The following THRB variants were observed in gnomAD, a reference collection of about 807,000 sequenced individuals.
THRB encodes thyroid hormone receptor beta, also known as nuclear receptor subfamily 1 group A member 2.
A neutral mutation model predicts 47.8 loss-of-function variants in THRB; 12 were observed. The observed-to-expected ratio is 0.25, with a 90% CI of 0.16 to 0.41. THRB has a LOEUF of 0.41. Ranked by LOEUF, THRB falls within the 10% of genes least tolerant of loss-of-function variation. THRB has a pLI of 1.00. For synonymous variants in THRB, 218 were observed against 212.2 expected, an observed-to-expected ratio of 1.03 and a Z score of -0.24; for missense variants, 348 against 589.2, an observed-to-expected ratio of 0.59 and a Z score of 4.24.
intron 1 of THRB, among the ~76,000 whole-genome samples, chr3:24,427,547 T>C (rs898441582): frequency 1.3e-5 from 2 of 151,992 alleles, no homozygotes; most frequent in African/African-American, 2.4e-5. Flanking sequence ...ATAGAATCCA[T>C]ACAAATAAGC....
chr3:24,317,645 A>G (rs1173848003), intron 2 of THRB, among the ~76,000 whole-genome samples: 2 of 152,230 alleles, frequency 1.3e-5, no homozygotes, highest in Non-Finnish European at 2.9e-5. Flanking sequence ...AAAACAAAAC[A>G]AAAACCTAGT....
chr3:24,338,366 A>T (rs1038076539), intron 1 of THRB, among the ~76,000 whole-genome samples: 1 of 152,206 alleles, frequency 6.6e-6, no homozygotes, highest in Non-Finnish European at 1.5e-5. Flanking sequence ...ATAAATGCAT[A>T]TCGAAGGCAA....
chr3:24,269,384 C>G, intron 3 of THRB, among the ~76,000 whole-genome samples: 1 of 55,290 alleles, frequency 1.8e-5, no homozygotes, highest in African/African-American at 7.3e-5. Flanking sequence ...CATCATAGCT[C>G]ACACGCGCGC....
At chr3:24,450,664 T>A (rs1203455259) in intron 1 of THRB, among the ~76,000 whole-genome samples, 1 of 152,184 alleles carries the variant, frequency 6.6e-6, no homozygotes, top group Non-Finnish European at 1.5e-5. Flanking sequence ...AAACCAGGTG[T>A]AGGTAAACCA....
chr3:24,220,797 C>CAA lies in THRB; in HGVS notation c.22+8139_22+8140dup, dbSNP rs1368551143. ...ACAAAGAACTTCAGTCAAGGTTAAA[C>CAA]AAAAGAAAAAAAAAAAAAGAAAGAA... On this transcript the variant is annotated intron_variant, in intron 4 of 10. Coordinates refer to ENST00000646209, the MANE Select transcript of THRB (RefSeq NM_001354712.2). Among the ~76,000 whole-genome samples, 907 of 96,618 alleles carry CAA rather than the reference C, an allele frequency of 9.4e-3. 6 individuals are homozygous for CAA. The highest frequency in any genetic ancestry group is 0.035 in the African/African-American group (829 of 23,664). 63.4% of individuals were successfully genotyped at this position (96,618 alleles called of 152,430 possible). A position where few individuals can be genotyped will look rare whatever the true frequency, so the allele number is the denominator to read the frequency against.
chr3:24,305,633 G>T (rs571402081), intron 2 of THRB, among the ~76,000 whole-genome samples: 1 of 152,210 alleles, frequency 6.6e-6, no homozygotes, highest in East Asian at 1.9e-4. Context: ...GGTTATAATG[G>T]GTTGGAAGCA....
At position 24,143,510 on chromosome 3, in the gene THRB, C is replaced by T; in HGVS notation, c.729G>A (p.Arg243=). The T allele has an allele frequency of 6.2e-7, 1 of 1,614,200 alleles. No individual in the cohort carries two copies. Among genetic ancestry groups the T allele is most frequent in the Non-Finnish European group, 8.5e-7 (1 of 1,180,020 alleles). Residue 243 remains arginine (R), a synonymous_variant, in exon 8 of 11, where the codon CGG becomes CGA. Coordinates refer to ENST00000646209, the MANE Select transcript of THRB (RefSeq NM_001354712.2). The part of the protein sequence containing the change: ...NAQGSHWKQK[R]KFLPEDIGQA... ...TGCAAGGAAGCCTTACCAGGAATTT[C>T]CGTTTTTGCTTCCAGTGGCTGCCTT...
intron 8 of THRB, 143 bp downstream of exon 8, chr3:24,143,358 G>A (rs2035682861): frequency 1.2e-6 from 1 of 822,082 alleles, no homozygotes; most frequent in Non-Finnish European, 2.1e-6. Context: ...AGCTTTGCAA[G>A]TTACTCAGCC....
rs150161230 is a variant in THRB at position 24,465,700 on chromosome 3, G to A, written c.-261+28952C>T. On this transcript the variant is annotated intron_variant, in intron 1 of 10. Coordinates refer to ENST00000646209, the MANE Select transcript of THRB (RefSeq NM_001354712.2). ...ATTACATACTTGAGTCAGCGCACCC[G>A]GCCTAGAATTTTCCTTTAATCTGAA... 3.5e-3 allele frequency among the ~76,000 whole-genome samples: 531 copies of A among 152,112 alleles called. 2 individuals are homozygous for A. The highest frequency in any genetic ancestry group is 0.012 in the African/African-American group (498 of 41,498).
intron 3 of THRB, among the ~76,000 whole-genome samples, chr3:24,248,074 G>A (rs1332679752): frequency 6.6e-6 from 1 of 152,058 alleles, no homozygotes; most frequent in Non-Finnish European, 1.5e-5. Flanking sequence ...ACATTTCTGA[G>A]TTCAGTAAAG....
chr3:24,411,981 A>G (rs1682641089), intron 1 of THRB, among the ~76,000 whole-genome samples: 2 of 151,808 alleles, frequency 1.3e-5, no homozygotes, highest in African/African-American at 4.8e-5. Context: ...AGTTTTCAGG[A>G]CGTTTCTAAA....
chr3:24,258,973 G>A (rs1162688526), intron 3 of THRB, among the ~76,000 whole-genome samples: 1 of 152,078 alleles, frequency 6.6e-6, no homozygotes, highest in Non-Finnish European at 1.5e-5. Flanking sequence ...TTTTAGATGT[G>A]GAAATGGAAA....
chr3:24,457,168 A>G (rs2073248386), intron 1 of THRB, among the ~76,000 whole-genome samples: 1 of 152,198 alleles, frequency 6.6e-6, no homozygotes, highest in Non-Finnish European at 1.5e-5. Context: ...TTCTTAAAAC[A>G]AGACAATATA....
At chr3:24,452,661 G>A (rs1027202237) in intron 1 of THRB, among the ~76,000 whole-genome samples, 7 of 151,920 alleles carry the variant, frequency 4.6e-5, no homozygotes, top group African/African-American at 1.5e-4. Context: ...AAGCAGAAAC[G>A]TGGGGGCTGT....
chr3:24,481,510 T>C (rs1335442852), intron 1 of THRB, among the ~76,000 whole-genome samples: 1 of 152,124 alleles, frequency 6.6e-6, no homozygotes, highest in African/African-American at 2.4e-5. Flanking sequence ...TAACACACAG[T>C]CCTTGCCCTC....
At chr3:24,329,248 C>G (rs1383152612) in intron 2 of THRB, among the ~76,000 whole-genome samples, 1 of 152,152 alleles carries the variant, frequency 6.6e-6, no homozygotes, top group African/African-American at 2.4e-5. Context: ...CCTGGTCCAG[C>G]CTGAATTCTT....
chr3:24,244,704 C>T (rs1195026017), intron 3 of THRB, among the ~76,000 whole-genome samples: 3 of 152,218 alleles, frequency 2.0e-5, no homozygotes, highest in African/African-American at 7.2e-5. Context: ...AATTGCTCCA[C>T]ACAAACAGAG....
intron 1 of THRB, among the ~76,000 whole-genome samples, chr3:24,462,030 C>T (rs575679101): frequency 6.6e-6 from 1 of 152,186 alleles, no homozygotes; most frequent in East Asian, 1.9e-4. Flanking sequence ...CAATGATGAG[C>T]ACAGAAAACT....
chr3:24,191,682 C>T (rs1471854939), intron 4 of THRB, among the ~76,000 whole-genome samples: 2 of 152,260 alleles, frequency 1.3e-5, no homozygotes, highest in Non-Finnish European at 2.9e-5. Flanking sequence ...GATGGTTTCT[C>T]TAAAAGTGTA....
Sources: gnomAD v4.1 joint callset for allele counts (sites outside exome capture counted in the v4.1 genomes callset) on GRCh38, gnomAD v4.1.1 for gene constraint, MANE v1.5 for transcripts, NCBI Gene and HGNC (gene_info 2026-07-23, HGNC 2026-07-21) for gene names.